Variants in APPL1 observed in about 807,000 individuals in gnomAD.
APPL1 encodes adaptor protein, phosphotyrosine interacting with PH domain and leucine zipper 1.
A neutral mutation model predicts 106.8 loss-of-function variants in APPL1; 42 were observed. The ratio of observed to expected loss-of-function variants is 0.39; its 90% CI spans 0.31 to 0.51. APPL1 has a LOEUF of 0.51. Ranked by LOEUF, APPL1 falls within the 20% of genes least tolerant of loss-of-function variation. The pLI is 0.75. For synonymous variants in APPL1, 263 were observed against 281.8 expected (o/e 0.93, Z 0.67); for missense variants, 769 against 858.2 (o/e 0.90, Z 1.30).
At chr3:57,250,673 A>G (rs988517463) in intron 11 of APPL1, among the ~76,000 whole-genome samples, 2 of 152,170 alleles carry the variant, frequency 1.3e-5, no homozygotes, top group African/African-American at 4.8e-5. Context: ...ACATGTTATA[A>G]TGGCTATTCT....
Position 57,270,488 on chromosome 3 carries a change from A to G in APPL1, c.*801A>G, listed in dbSNP as rs1247525268. The G allele has an allele frequency of 5.9e-5, 9 of 152,642 alleles. No homozygotes were observed. Among genetic ancestry groups the G allele is most frequent in the Admixed American group, 5.2e-4 (8 of 15,288 alleles). 9.5% of individuals were successfully genotyped at this position (152,642 alleles called of 1,614,324 possible). On this transcript the variant is annotated 3_prime_UTR_variant, in exon 22 of 22. Coordinates refer to ENST00000288266, the MANE Select transcript of APPL1 (RefSeq NM_012096.3). ...TTTGTTCAATACATTTTAGATTAGG[A>G]TTGACAAGTAAAGATACTGCTATGG...
At position 57,269,885 on chromosome 3, in the gene APPL1, T is replaced by G; in HGVS notation, c.*198T>G. 1 of 545,740 alleles carries G rather than the reference T, an allele frequency of 1.8e-6. No individual in the cohort carries two copies. Among genetic ancestry groups the G allele is most frequent in the Non-Finnish European group, 3.1e-6 (1 of 324,982 alleles). The allele number at this position is 545,740 out of a possible 1,614,324, so 33.8% of individuals were successfully genotyped here. A position where few individuals can be genotyped will look rare whatever the true frequency, so the allele number is the denominator to read the frequency against. On this transcript the variant is annotated 3_prime_UTR_variant, in exon 22 of 22. Transcript: ENST00000288266. ...GATCTTTTTTCCCCCTTAAACATAA[T>G]GTACTATGTATTAACATCTAAAGGA... is the stretch of plus-strand genomic sequence containing the variant.
rs116334982 is a variant in APPL1 at position 57,262,235 on chromosome 3, A to T, written c.1842+1461A>T. Among the ~76,000 whole-genome samples the T allele has an allele frequency of 5.8e-3, 889 of 152,028 alleles. 7 individuals are homozygous for T. The highest frequency in any genetic ancestry group is 9.0e-3 in the Non-Finnish European group (611 of 67,958). On this transcript the variant is annotated intron_variant, in intron 19 of 21. Transcript: ENST00000288266. ...TGTTTACTCTGTTATTTCTTTGGCT[A>T]TGCAGACACTTTTTAGTTTAAGTCC...
rs186767324 is a variant in APPL1, at chr3:57,234,446, C to G, written c.55-1120C>G. Among the ~76,000 whole-genome samples the G allele has an allele frequency of 7.6e-3, 1,138 of 149,182 alleles. 14 individuals are homozygous for G. Among genetic ancestry groups the G allele is most frequent in the African/African-American group, 0.026 (1,057 of 40,526 alleles). On this transcript the variant is annotated intron_variant, in intron 1 of 21. Coordinates refer to ENST00000288266, the MANE Select transcript of APPL1 (RefSeq NM_012096.3). Reference sequence around the variant, plus strand: ...CTGAGTAGCTGGGACTGCAGGGGCCCGCCACCATGCCTGGATAATTTTTTT... The same window carrying G: ...CTGAGTAGCTGGGACTGCAGGGGCCGGCCACCATGCCTGGATAATTTTTTT...
At chr3:57,260,896 A>G in intron 19 of APPL1, 122 bp downstream of exon 19, 1 of 1,091,262 alleles carries the variant, frequency 9.2e-7, no homozygotes, top group Non-Finnish European at 1.2e-6. Context: ...AATTCTTTAC[A>G]ATTTATACAA....
At chr3:57,256,636 T>G (rs533271090) in intron 13 of APPL1, among the ~76,000 whole-genome samples, 11 of 152,302 alleles carry the variant, frequency 7.2e-5, no homozygotes, top group African/African-American at 2.6e-4. Flanking sequence ...AAATATCTGG[T>G]AGTTAAAAAT....
chr3:57,246,294 T>A (rs1190926477), intron 8 of APPL1, 72 bp downstream of exon 8: 8 of 1,157,164 alleles, frequency 6.9e-6, no homozygotes, highest in Non-Finnish European at 9.2e-6. Flanking sequence ...TTACATTAAG[T>A]ATAAGGGTAT....
At chr3:57,260,574 C>T in intron 18 of APPL1, 54 bp from the exon 19 acceptor site, 4 of 1,506,066 alleles carry the variant, frequency 2.7e-6, no homozygotes, top group African/African-American at 1.4e-5. Context: ...GTCACAAGTG[C>T]TGCTGTAATG....
chr3:57,271,663 G>C lies in APPL1; in HGVS notation c.*1976G>C, dbSNP rs1256083057. The C allele has an allele frequency of 6.6e-6, 1 of 152,228 alleles. No individual in the cohort carries two copies. Among genetic ancestry groups the C allele is most frequent in the Non-Finnish European group, 1.5e-5 (1 of 68,042 alleles). 9.4% of individuals were successfully genotyped at this position (152,228 alleles called of 1,614,324 possible). On this transcript the variant is annotated 3_prime_UTR_variant, in exon 22 of 22. Transcript: ENST00000288266. ...CTTTACTAAGCTGGTGCTTTGCATG[G>C]TAGCAAGTGCTGCCCTTTATCAGCA... is the stretch of plus-strand genomic sequence containing the variant.
intron 19 of APPL1, among the ~76,000 whole-genome samples, chr3:57,262,317 G>A (rs530508981): frequency 6.1e-5 from 9 of 147,706 alleles, no homozygotes; most frequent in Middle Eastern, 3.5e-3. Context: ...AATCTTTGCC[G>A]AGACCAATGT....
chr3:57,237,565 A>T lies in APPL1; in HGVS notation c.213+14A>T. The T allele has an allele frequency of 6.5e-7, 1 of 1,549,010 alleles. No homozygotes were observed. The highest frequency in any genetic ancestry group is 8.8e-7 in the Non-Finnish European group (1 of 1,134,110). ...TATGAAAAACAGGTATTGTATATCAAAGTTTTAAAAGCATAATTTTAAAAG... is the reference window on the plus strand; with the variant it reads ...TATGAAAAACAGGTATTGTATATCATAGTTTTAAAAGCATAATTTTAAAAG... On this transcript the variant is annotated intron_variant, in intron 3 of 21. Coordinates refer to ENST00000288266, the MANE Select transcript of APPL1 (RefSeq NM_012096.3).
chr3:57,246,220 C>A lies in APPL1; in HGVS notation c.619C>A (p.Gln207Lys). Residue 207 changes from glutamine (Q) to lysine (K), a missense_variant and splice_region_variant, in exon 8 of 22, where the codon CAG (glutamine) becomes AAG (lysine). Coordinates refer to ENST00000288266, the MANE Select transcript of APPL1 (RefSeq NM_012096.3). ...LEPLLGYMQA[Q>K]ISFFKMGSEN... ...ACCTCTACTTGGGTACATGCAAGCT[C>A]AGGTAAATACTGTACTGTATTTGGA... 2 of 1,592,434 alleles carry A rather than the reference C, an allele frequency of 1.3e-6. No homozygotes were observed. The highest frequency in any genetic ancestry group is 2.3e-5 in the South Asian group (2 of 86,162).
At chr3:57,245,711 T>C (rs1034459364) in intron 7 of APPL1, among the ~76,000 whole-genome samples, 6 of 151,694 alleles carry the variant, frequency 4.0e-5, no homozygotes, top group African/African-American at 1.5e-4. Flanking sequence ...CCTGGCTAAT[T>C]TTTTTTTCCA....
At chr3:57,236,905 A>G (rs1490303258) in intron 2 of APPL1, among the ~76,000 whole-genome samples, 12 of 151,896 alleles carry the variant, frequency 7.9e-5, no homozygotes, top group East Asian at 1.9e-4. Flanking sequence ...CTGGCTTCAC[A>G]TTTTCATTAT....
rs2060944912 is a variant in APPL1 at position 57,272,036 on chromosome 3, T to TAGAA, written c.*2351_*2352insAAAG. ...TGTTACCCTCCTTTGAAATCCCTTC[T>TAGAA]AGTTCTGAGATGCTTTGAGGGTAAC... On this transcript the variant is annotated 3_prime_UTR_variant, in exon 22 of 22. Coordinates refer to ENST00000288266, the MANE Select transcript of APPL1 (RefSeq NM_012096.3). The TAGAA allele has an allele frequency of 6.6e-6, 1 of 152,246 alleles. No homozygotes were observed. The allele number at this position is 152,246 out of a possible 1,614,324, so 9.4% of individuals were successfully genotyped here. A position where few individuals can be genotyped will look rare whatever the true frequency, so the allele number is the denominator to read the frequency against.
chr3:57,269,880 C>A lies in APPL1; in HGVS notation c.*193C>A. 1.7e-6 allele frequency: 1 copy of A among 590,132 alleles called. No homozygotes were observed. The highest frequency in any genetic ancestry group is 2.8e-6 in the Non-Finnish European group (1 of 354,424). 36.6% of individuals were successfully genotyped at this position (590,132 alleles called of 1,614,324 possible). The stretch of plus-strand genomic sequence containing the variant: ...GCATTGATCTTTTTTCCCCCTTAAA[C>A]ATAATGTACTATGTATTAACATCTA... On this transcript the variant is annotated 3_prime_UTR_variant, in exon 22 of 22. Transcript: ENST00000288266.
chr3:57,249,183 T>C (rs928809349), intron 10 of APPL1, among the ~76,000 whole-genome samples, 177 bp from the exon 11 acceptor site: 12 of 152,196 alleles, frequency 7.9e-5, no homozygotes, highest in African/African-American at 2.2e-4. Flanking sequence ...TTCACAAAAG[T>C]GAGTCAACAT....
chr3:57,239,206 C>A (rs1049639617), intron 4 of APPL1, among the ~76,000 whole-genome samples: 2 of 152,142 alleles, frequency 1.3e-5, no homozygotes, highest in African/African-American at 4.8e-5. Context: ...TGGGGCCCCT[C>A]CCACAACATG....
intron 2 of APPL1, among the ~76,000 whole-genome samples, chr3:57,235,920 G>A (rs2060713830): frequency 1.3e-5 from 2 of 152,254 alleles, no homozygotes; most frequent in South Asian, 4.1e-4. Flanking sequence ...TAGTTTGGGG[G>A]GAACCCCCCA....
Sources: gnomAD v4.1 joint callset for allele counts (sites outside exome capture counted in the v4.1 genomes callset) on GRCh38, gnomAD v4.1.1 for gene constraint, MANE v1.5 for transcripts, NCBI Gene and HGNC (gene_info 2026-07-23, HGNC 2026-07-21) for gene names.